The following INPP4B variants were observed in gnomAD, a reference collection of about 807,000 sequenced individuals.
INPP4B encodes inositol polyphosphate 4-phosphatase type II.
In INPP4B, 55 loss-of-function variants were observed where a neutral mutation model predicts 122.5. The observed-to-expected ratio is 0.45, with a 90% CI of 0.36 to 0.56. The LOEUF is 0.56. INPP4B is among the 20% of genes least tolerant of loss of function. INPP4B has a pLI of 0.00. For synonymous variants in INPP4B, 403 were observed against 388.7 expected (o/e 1.04, Z -0.43); for missense variants, 1,000 against 1,097.7 (o/e 0.91, Z 1.26).
intron 7 of INPP4B, among the ~76,000 whole-genome samples, chr4:142,362,550 G>T (rs1785826292): frequency 6.6e-6 from 1 of 151,962 alleles, no homozygotes; most frequent in Admixed American, 6.6e-5. Flanking sequence ...AGTTATAAGG[G>T]TAAGAACTTA....
intron 18 of INPP4B, among the ~76,000 whole-genome samples, chr4:142,125,909 A>G (rs528940161): frequency 1.7e-4 from 26 of 152,276 alleles, no homozygotes; most frequent in African/African-American, 5.8e-4. Context: ...AATAAATATA[A>G]AAAGTTTTAA....
At chr4:142,405,174 A>AGAGC in intron 6 of INPP4B, 32 bp downstream of exon 6, 1 of 1,249,388 alleles carries the variant, frequency 8.0e-7, no homozygotes, top group Non-Finnish European at 1.2e-6. Context: ...AGAGAGAGAG[A>AGAGC]GAGAGATTAA....
chr4:142,659,603 C>T (rs1447631065), intron 2 of INPP4B, among the ~76,000 whole-genome samples: 1 of 152,112 alleles, frequency 6.6e-6, no homozygotes, highest in Non-Finnish European at 1.5e-5. Context: ...TGTAGAAATC[C>T]TGATAAATAT....
chr4:142,577,830 T>C (rs1734183148), intron 2 of INPP4B, among the ~76,000 whole-genome samples: 1 of 152,012 alleles, frequency 6.6e-6, no homozygotes. Flanking sequence ...CCTCAGCTGC[T>C]AGAGGTCATC....
chr4:142,452,583 G>A (rs1282673019), intron 3 of INPP4B, among the ~76,000 whole-genome samples: 1 of 152,126 alleles, frequency 6.6e-6, no homozygotes, highest in Non-Finnish European at 1.5e-5. Context: ...TTTAAGGATG[G>A]GAACACCAAG....
chr4:142,582,571 G>A (rs1164445900), intron 2 of INPP4B, among the ~76,000 whole-genome samples: 1 of 152,114 alleles, frequency 6.6e-6, no homozygotes, highest in African/African-American at 2.4e-5. Context: ...TGAAGGGGAT[G>A]GTGCTAGCTA....
At chr4:142,327,220 C>T (rs879126076) in intron 7 of INPP4B, among the ~76,000 whole-genome samples, 102 of 152,180 alleles carry the variant, frequency 6.7e-4, no homozygotes, top group African/African-American at 2.2e-3. Context: ...CAAAAGCACA[C>T]GTCTATTAAT....
chr4:142,283,575 C>T (rs1752180593), intron 9 of INPP4B, among the ~76,000 whole-genome samples: 1 of 152,032 alleles, frequency 6.6e-6, no homozygotes, highest in African/African-American at 2.4e-5. Context: ...GCCTTTTGCT[C>T]CTAGGCTAAA....
At chr4:142,558,898 A>T (rs1308683834) in intron 2 of INPP4B, among the ~76,000 whole-genome samples, 1 of 150,634 alleles carries the variant, frequency 6.6e-6, no homozygotes, top group East Asian at 1.9e-4. Context: ...GAACAATCAC[A>T]TGGGGTTTTT....
intron 2 of INPP4B, among the ~76,000 whole-genome samples, chr4:142,670,591 GA>G (rs1225842098): frequency 2.0e-5 from 3 of 152,042 alleles, no homozygotes; most frequent in African/African-American, 7.2e-5. Flanking sequence ...ATGTAGAATA[GA>G]AAAAAGTTGA....
chr4:142,047,038 C>T (rs1252024596), intron 25 of INPP4B, among the ~76,000 whole-genome samples: 2 of 152,010 alleles, frequency 1.3e-5, no homozygotes, highest in Non-Finnish European at 1.5e-5. Flanking sequence ...TTTATAACTA[C>T]ACTGAAGCAG....
rs550844502 is a variant in INPP4B, at chr4:142,183,085, C to G, written c.1182-9276G>C. On this transcript the variant is annotated intron_variant, in intron 15 of 25. Transcript: ENST00000262992. ...ACGTCCTTTCATACTCTCCTACACT[C>G]TAGAAGCTGCTCTGTGTTGCTGGAG... Among the ~76,000 whole-genome samples the G allele has an allele frequency of 6.5e-4, 99 of 152,310 alleles. 1 individual carries two copies. The highest frequency in any genetic ancestry group is 1.1e-3 in the Non-Finnish European group (78 of 68,020).
At chr4:142,204,418 G>A (rs769832769) in intron 14 of INPP4B, among the ~76,000 whole-genome samples, 25 of 151,726 alleles carry the variant, frequency 1.6e-4, no homozygotes, top group Non-Finnish European at 3.5e-4. Context: ...TAACTGCTTT[G>A]TCAAAAATCT....
At chr4:142,078,551 G>T (rs1219535577) in intron 25 of INPP4B, among the ~76,000 whole-genome samples, 1 of 151,990 alleles carries the variant, frequency 6.6e-6, no homozygotes, top group African/African-American at 2.4e-5. Context: ...TGAACAAAGA[G>T]AAACGAAAAT....
chr4:142,218,642 A>T (rs1377699756), intron 12 of INPP4B, among the ~76,000 whole-genome samples: 1 of 152,196 alleles, frequency 6.6e-6, no homozygotes, highest in Non-Finnish European at 1.5e-5. Context: ...AATGAGCTCT[A>T]TAATACCATT....
At chr4:142,178,744 T>C (rs1433248632) in intron 15 of INPP4B, among the ~76,000 whole-genome samples, 2 of 151,730 alleles carry the variant, frequency 1.3e-5, no homozygotes, top group Admixed American at 6.6e-5. Flanking sequence ...GAGTGGTGTG[T>C]CTCTTCTCCT....
At chr4:142,457,713 C>CA (rs1815761850) in intron 3 of INPP4B, among the ~76,000 whole-genome samples, 2 of 152,110 alleles carry the variant, frequency 1.3e-5, no homozygotes. Context: ...AGTGGGAATG[C>CA]AAAATAGTAT....
At chr4:142,654,206 C>T (rs993090242) in intron 2 of INPP4B, among the ~76,000 whole-genome samples, 3 of 151,930 alleles carry the variant, frequency 2.0e-5, no homozygotes, top group African/African-American at 7.3e-5. Flanking sequence ...AAACATCACA[C>T]ACCAGGGCCT....
rs111846236 is a variant in INPP4B, at chr4:142,803,276, T to C, written c.-254+42933A>G. ...ATGGGTTTTTGCAGGAGCCATCAAT[T>C]ACATCTATTAGTTAATAAGTATAGA... On this transcript the variant is annotated intron_variant, in intron 1 of 25. Coordinates refer to ENST00000262992, the MANE Select transcript of INPP4B (RefSeq NM_001101669.3). Among the ~76,000 whole-genome samples, 200 of 152,164 alleles carry C rather than the reference T, an allele frequency of 1.3e-3. 1 individual carries two copies. The highest frequency in any genetic ancestry group is 4.8e-3 in the African/African-American group (198 of 41,554).
Sources: allele counts gnomAD v4.1 joint callset (sites outside exome capture counted in the v4.1 genomes callset), GRCh38; gene constraint gnomAD v4.1.1; transcripts MANE v1.5; gene names NCBI Gene and HGNC (gene_info 2026-07-23, HGNC 2026-07-21).